The following REEP1 variants were observed in gnomAD, a reference collection of about 807,000 sequenced individuals.
REEP1 encodes receptor expression-enhancing protein 1.
A neutral mutation model predicts 40.3 loss-of-function variants in REEP1; 22 were observed. That is an observed-to-expected ratio of 0.55 (90% CI 0.39 to 0.78). The LOEUF (loss-of-function observed/expected upper bound fraction) is 0.78. Ranked by LOEUF, REEP1 falls within the 30% of genes least tolerant of loss-of-function variation. The pLI, the probability that REEP1 is intolerant of heterozygous loss-of-function variation, is 0.00. For synonymous variants in REEP1, 116 were observed against 139.2 expected, an observed-to-expected ratio of 0.83 and a Z score of 1.17; for missense variants, 280 against 361.1, an observed-to-expected ratio of 0.78 and a Z score of 1.82.
chr2:86,271,033 A>G (rs906068958), intron 2 of REEP1, among the ~76,000 whole-genome samples: 1 of 121,574 alleles, frequency 8.2e-6, no homozygotes, highest in African/African-American at 2.8e-5. Context: ...CTCTACTAAA[A>G]ATATAATAAT....
chr2:86,258,580 C>T (rs1200262040), intron 3 of REEP1, among the ~76,000 whole-genome samples: 1 of 152,188 alleles, frequency 6.6e-6, no homozygotes. Flanking sequence ...ACATACAAAA[C>T]CAGGTCCTTG....
intron 2 of REEP1, among the ~76,000 whole-genome samples, chr2:86,280,244 C>G (rs142658691): frequency 9.2e-5 from 14 of 152,280 alleles, no homozygotes; most frequent in African/African-American, 3.1e-4. Context: ...CCTTTTTTAC[C>G]AAGAAACCTA....
chr2:86,275,725 G>T (rs911076967), intron 2 of REEP1, among the ~76,000 whole-genome samples: 1 of 152,152 alleles, frequency 6.6e-6, no homozygotes, highest in Admixed American at 6.5e-5. Flanking sequence ...GCTTCCCCAT[G>T]TGGCCCTACA....
intron 5 of REEP1, among the ~76,000 whole-genome samples, chr2:86,247,059 T>G (rs577934899): frequency 4.2e-4 from 64 of 152,022 alleles, no homozygotes; most frequent in African/African-American, 1.4e-3. Flanking sequence ...TCTAGAGCAT[T>G]ATTTTTTTTT....
intron 1 of REEP1, among the ~76,000 whole-genome samples, chr2:86,290,042 G>C (rs1290091778): frequency 1.3e-5 from 2 of 152,140 alleles, no homozygotes; most frequent in African/African-American, 4.8e-5. Context: ...TGTCACCCAG[G>C]CTGGAGTGCA....
chr2:86,336,787 C>T (rs578176821), intron 1 of REEP1: 1 of 152,590 alleles, frequency 6.6e-6, no homozygotes, highest in South Asian at 2.1e-4. Flanking sequence ...GGGTGGCTGT[C>T]ACTTGAAAAT....
chr2:86,276,550 G>A (rs1456933066), intron 2 of REEP1, among the ~76,000 whole-genome samples: 3 of 152,184 alleles, frequency 2.0e-5, no homozygotes, highest in Non-Finnish European at 4.4e-5. Context: ...TGCGGTGGCT[G>A]GCCTTATACA....
chr2:86,277,979 T>A (rs1226253084), intron 2 of REEP1, among the ~76,000 whole-genome samples: 1 of 152,254 alleles, frequency 6.6e-6, no homozygotes, highest in Non-Finnish European at 1.5e-5. Context: ...ATCAGTTTAA[T>A]ATTTATTAAC....
At position 86,337,445 on chromosome 2, in the gene REEP1, G is replaced by T; in HGVS notation, c.32+34C>A. ...CCCGGGGCCGGGGGCGGGGAGGGAG[G>T]GGACGGAGGGGCGCGGGGGAGAAGG... On this transcript the variant is annotated intron_variant, in intron 1 of 8. Transcript: ENST00000538924. The surrounding 1 kb of genome is among the most constrained non-coding windows in gnomAD (Gnocchi z 5.8). 8.1e-7 allele frequency: 1 copy of T among 1,236,168 alleles called. No individual in the cohort carries two copies. The highest frequency in any genetic ancestry group is 1.0e-6 in the Non-Finnish European group (1 of 983,576). The allele number at this position is 1,236,168 out of a possible 1,614,324, so 76.6% of individuals were successfully genotyped here. A position where few individuals can be genotyped will look rare whatever the true frequency, so the allele number is the denominator to read the frequency against.
chr2:86,243,853 T>G (rs1281197783), intron 5 of REEP1, among the ~76,000 whole-genome samples: 2 of 152,208 alleles, frequency 1.3e-5, no homozygotes, highest in Admixed American at 1.3e-4. Flanking sequence ...TAACTTGATG[T>G]GAGCTAGCAC....
intron 2 of REEP1, among the ~76,000 whole-genome samples, chr2:86,268,215 T>A (rs1677246297): frequency 6.6e-6 from 1 of 152,128 alleles, no homozygotes; most frequent in Admixed American, 6.5e-5. Flanking sequence ...TTTTTCCTCA[T>A]AGATGGTGTA....
chr2:86,295,132 G>A (rs914085888), intron 1 of REEP1, among the ~76,000 whole-genome samples: 1 of 152,236 alleles, frequency 6.6e-6, no homozygotes, highest in African/African-American at 2.4e-5. Context: ...TTTTCAGCAC[G>A]TGTCTTAATT....
At chr2:86,229,930 A>T (rs1674918389) in intron 6 of REEP1, among the ~76,000 whole-genome samples, 1 of 152,024 alleles carries the variant, frequency 6.6e-6, no homozygotes, top group South Asian at 2.1e-4. Flanking sequence ...CCTTTTTGAG[A>T]TGGCTTTTAT....
At chr2:86,300,427 G>C (rs556056709) in intron 1 of REEP1, among the ~76,000 whole-genome samples, 2 of 152,246 alleles carry the variant, frequency 1.3e-5, no homozygotes, top group South Asian at 4.1e-4. Context: ...TGAGAAACTT[G>C]AGTAATTCCT....
chr2:86,300,332 G>A (rs183574862), intron 1 of REEP1, among the ~76,000 whole-genome samples: 1 of 152,236 alleles, frequency 6.6e-6, no homozygotes, highest in Non-Finnish European at 1.5e-5. Flanking sequence ...CCACTAGGAT[G>A]GGCCCCAGAA....
chr2:86,254,987 A>G (rs563488171), intron 3 of REEP1, 173 bp from the exon 4 acceptor site: 6 of 659,380 alleles, frequency 9.1e-6, no homozygotes, highest in South Asian at 5.5e-5. Context: ...TTGCACACAC[A>G]CAGTACAACC....
At chr2:86,295,829 G>A (rs891584107) in intron 1 of REEP1, among the ~76,000 whole-genome samples, 5 of 152,080 alleles carry the variant, frequency 3.3e-5, no homozygotes, top group African/African-American at 9.7e-5. Context: ...GTGAGCCACC[G>A]CGCCCAGCCC....
rs1360386799 is a variant in REEP1 at position 86,337,269 on chromosome 2, C to T, written c.32+210G>A. ...GGCCCAGCCCCCCGCAAGCGGCCGCCGGCGCCGGCTGCCTCCTGGGCAGCA... is the reference window on the plus strand; with the variant it reads ...GGCCCAGCCCCCCGCAAGCGGCCGCTGGCGCCGGCTGCCTCCTGGGCAGCA... On this transcript the variant is annotated intron_variant, in intron 1 of 8. Coordinates refer to ENST00000538924, the MANE Select transcript of REEP1 (RefSeq NM_001371279.1). This position sits in a 1 kb window ranked among gnomAD's most constrained non-coding sequence, Gnocchi z 5.8. The T allele has an allele frequency of 3.7e-6, 1 of 273,898 alleles. No homozygotes were observed. The allele number at this position is 273,898 out of a possible 1,614,324, so 17.0% of individuals were successfully genotyped here.
chr2:86,298,701 A>C (rs1469714484), intron 1 of REEP1, among the ~76,000 whole-genome samples: 2 of 152,230 alleles, frequency 1.3e-5, no homozygotes, highest in Admixed American at 6.5e-5. Context: ...AAACACTCAA[A>C]CAACGGTGCG....
Sources: allele counts gnomAD v4.1 joint callset (sites outside exome capture counted in the v4.1 genomes callset), GRCh38; gene constraint gnomAD v4.1.1; non-coding constraint Gnocchi (gnomAD v3.1); transcripts MANE v1.5; gene names NCBI Gene and HGNC (gene_info 2026-07-23, HGNC 2026-07-21).